The following SCAI variants were observed in gnomAD, a reference collection of about 807,000 sequenced individuals.
The protein encoded by SCAI is protein SCAI.
SCAI carries 24 observed loss-of-function variants against 92.2 expected under a neutral mutation model. The observed-to-expected ratio is 0.26, with a 90% CI of 0.19 to 0.37. SCAI has a LOEUF of 0.37. Among genes scored for constraint, SCAI ranks in the 10% least tolerant of loss-of-function variants. SCAI has a pLI of 1.00. For synonymous variants in SCAI, 261 were observed against 258.6 expected, an observed-to-expected ratio of 1.01 and a Z score of -0.09; for missense variants, 450 against 736.2, an observed-to-expected ratio of 0.61 and a Z score of 4.50.
chr9:125,044,197 G>A (rs564652112), intron 3 of SCAI, among the ~76,000 whole-genome samples: 1 of 152,058 alleles, frequency 6.6e-6, no homozygotes, highest in South Asian at 2.1e-4. Flanking sequence ...CATGGGAGGC[G>A]GGCCTGGGGG....
intron 9 of SCAI, among the ~76,000 whole-genome samples, chr9:125,010,399 G>A (rs1832610677): frequency 1.3e-5 from 2 of 152,186 alleles, no homozygotes; most frequent in African/African-American, 4.8e-5. Flanking sequence ...TGGCTTGGAG[G>A]GTCCTACACC....
intron 14 of SCAI, among the ~76,000 whole-genome samples, chr9:124,980,532 G>T (rs746495341): frequency 7.2e-5 from 11 of 152,130 alleles, no homozygotes; most frequent in Non-Finnish European, 1.3e-4. Flanking sequence ...CTTTCCTTCT[G>T]GGAGTGTAGC....
chr9:124,946,639 G>A lies in SCAI; in HGVS notation c.*6168C>T, dbSNP rs1190313290. ...CATTGATACTTGGCAACATTCTATA[G>A]GTTCACAAATTGGCATTGCACGTAT... On this transcript the variant is annotated 3_prime_UTR_variant, in exon 18 of 18. Coordinates refer to ENST00000336505, the MANE Select transcript of SCAI (RefSeq NM_001144877.3). This position sits in a 1 kb window ranked among gnomAD's most constrained non-coding sequence, Gnocchi z 4.0. 6.6e-6 allele frequency: 1 copy of A among 152,132 alleles called. No homozygotes were observed. The highest frequency in any genetic ancestry group is 1.5e-5 in the Non-Finnish European group (1 of 68,028). The allele number at this position is 152,132 out of a possible 1,614,324, so 9.4% of individuals were successfully genotyped here.
chr9:125,044,643 T>C (rs1426400368), intron 3 of SCAI, among the ~76,000 whole-genome samples: 3 of 152,168 alleles, frequency 2.0e-5, no homozygotes, highest in Non-Finnish European at 4.4e-5. Context: ...ACTCAGGACC[T>C]GGCAAATTCT....
At chr9:124,991,604 T>G (rs1399992999) in intron 14 of SCAI, among the ~76,000 whole-genome samples, 1 of 151,862 alleles carries the variant, frequency 6.6e-6, no homozygotes, top group Non-Finnish European at 1.5e-5. Context: ...TTCGGGAGGC[T>G]GAGGTGGGCG....
At chr9:125,140,344 AT>A (rs760725279) in intron 2 of SCAI, among the ~76,000 whole-genome samples, 1 of 152,140 alleles carries the variant, frequency 6.6e-6, no homozygotes, top group African/African-American at 2.4e-5. Context: ...CCTGGCCAAC[AT>A]GTTGAAACCC....
At chr9:124,963,755 C>T in intron 17 of SCAI, among the ~76,000 whole-genome samples, 1 of 40,930 alleles carries the variant, frequency 2.4e-5, no homozygotes, top group Non-Finnish European at 4.3e-5. Context: ...GAGAATCTGT[C>T]TCAAAAAAAA....
At chr9:124,983,554 TGTTGGCAAGGCTG>T (rs1831930120) in intron 14 of SCAI, among the ~76,000 whole-genome samples, 1 of 152,098 alleles carries the variant, frequency 6.6e-6, no homozygotes, top group African/African-American at 2.4e-5. Flanking sequence ...GGTTTCACCA[TGTTGGCAAGGCTG>T]GTCTCGAACT....
At chr9:125,074,822 T>C (rs1185737075) in intron 2 of SCAI, among the ~76,000 whole-genome samples, 2 of 151,700 alleles carry the variant, frequency 1.3e-5, no homozygotes, top group Admixed American at 6.6e-5. Flanking sequence ...CTGAGCAACA[T>C]GGCGAAACCC....
At chr9:125,118,512 CAATA>C (rs57372605) in intron 2 of SCAI, among the ~76,000 whole-genome samples, 13 of 148,814 alleles carry the variant, frequency 8.7e-5, no homozygotes, top group East Asian at 6.0e-4. Flanking sequence ...GACCCTGTCT[CAATA>C]AATAAATAAA....
intron 3 of SCAI, among the ~76,000 whole-genome samples, chr9:125,038,600 A>G (rs1833250443): frequency 6.6e-6 from 1 of 152,224 alleles, no homozygotes; most frequent in African/African-American, 2.4e-5. Flanking sequence ...TTTTTCCATT[A>G]CAACTTTTCT....
intron 2 of SCAI, among the ~76,000 whole-genome samples, chr9:125,092,771 C>G (rs901858054): frequency 1.3e-5 from 2 of 152,218 alleles, no homozygotes; most frequent in African/African-American, 4.8e-5. Context: ...ACTCTTCTTT[C>G]TAGCTCACAT....
intron 14 of SCAI, 50 bp downstream of exon 14, chr9:124,994,884 T>A (rs1832206118): frequency 8.0e-7 from 1 of 1,255,054 alleles, no homozygotes; most frequent in African/African-American, 1.5e-5. Context: ...TGGGTACCCT[T>A]GGGTTGGTGC....
chr9:125,039,471 G>C (rs1336150557), intron 3 of SCAI, among the ~76,000 whole-genome samples: 1 of 152,022 alleles, frequency 6.6e-6, no homozygotes, highest in Non-Finnish European at 1.5e-5. Flanking sequence ...AATGCAGAAG[G>C]GCAGGTGCTG....
rs540764728 is a variant in SCAI at position 125,073,313 on chromosome 9, C to A, written c.99-17306G>T. ...TAGAGACGGGGTTTCACCGTGTTAG[C>A]CAGGATGGTCTCGATCTCCTGACCT... On this transcript the variant is annotated intron_variant, in intron 2 of 17. Coordinates refer to ENST00000336505, the MANE Select transcript of SCAI (RefSeq NM_001144877.3). Among the ~76,000 whole-genome samples, 13 of 150,900 alleles carry A rather than the reference C, an allele frequency of 8.6e-5. 1 individual carries two copies. In the South Asian group the frequency reaches 2.7e-3, roughly 32 times the overall value.
chr9:124,967,162 A>C (rs1436444926), intron 17 of SCAI, among the ~76,000 whole-genome samples: 1 of 152,190 alleles, frequency 6.6e-6, no homozygotes, highest in Non-Finnish European at 1.5e-5. Context: ...ATAAGTGTAC[A>C]ATAAAGGACG....
In SCAI at chr9:125,008,088, G is replaced by A. The variant is rs956257579; in HGVS notation, c.862-4518C>T. Among the ~76,000 whole-genome samples, 12 of 150,764 alleles carry A rather than the reference G, an allele frequency of 8.0e-5. 1 individual carries two copies. The highest frequency in any genetic ancestry group is 1.5e-4 in the Non-Finnish European group (10 of 67,768). On this transcript the variant is annotated intron_variant, in intron 9 of 17. Coordinates refer to ENST00000336505, the MANE Select transcript of SCAI (RefSeq NM_001144877.3). ...TCTCGATCTCCCGACCTTGTGATCC[G>A]CCCGCCTCGGCCTCCCAAAGTTCAG...
chr9:125,052,335 T>A (rs1000304382), intron 3 of SCAI, among the ~76,000 whole-genome samples: 1 of 151,470 alleles, frequency 6.6e-6, no homozygotes, highest in African/African-American at 2.4e-5. Flanking sequence ...CTTTGGGAGG[T>A]CGAGGCGGGT....
intron 2 of SCAI, among the ~76,000 whole-genome samples, chr9:125,131,511 C>G (rs1366685319): frequency 6.6e-6 from 1 of 152,130 alleles, no homozygotes; most frequent in East Asian, 1.9e-4. Flanking sequence ...TCCTGGCACT[C>G]TACCCTCCAG....
Sources: allele counts gnomAD v4.1 joint callset (sites outside exome capture counted in the v4.1 genomes callset), GRCh38; gene constraint gnomAD v4.1.1; non-coding constraint Gnocchi (gnomAD v3.1); transcripts MANE v1.5; gene names NCBI Gene and HGNC (gene_info 2026-07-23, HGNC 2026-07-21).